The following EMSY variants were observed in gnomAD, a reference collection of about 807,000 sequenced individuals.
EMSY encodes EMSY transcriptional repressor, BRCA2 interacting.
A neutral mutation model predicts 134.6 loss-of-function variants in EMSY; 26 were observed. The observed-to-expected ratio is 0.19, with a 90% CI of 0.14 to 0.27. The LOEUF (loss-of-function observed/expected upper bound fraction) is 0.27. Among genes scored for constraint, EMSY ranks in the 10% least tolerant of loss-of-function variants. The pLI, the probability that EMSY is intolerant of heterozygous loss-of-function variation, is 1.00. For synonymous variants in EMSY, 579 were observed against 577.8 expected, an observed-to-expected ratio of 1.00 and a Z score of -0.03; for missense variants, 1,305 against 1,611.4, an observed-to-expected ratio of 0.81 and a Z score of 3.26.
chr11:76,505,784 G>T (rs534783253), intron 9 of EMSY, among the ~76,000 whole-genome samples: 5 of 152,070 alleles, frequency 3.3e-5, no homozygotes, highest in South Asian at 4.2e-4. Flanking sequence ...GTGAACCCGG[G>T]GGGTGGAGCT....
intron 1 of EMSY, among the ~76,000 whole-genome samples, chr11:76,446,495 A>G (rs1269087384): frequency 6.6e-6 from 1 of 152,152 alleles, no homozygotes; most frequent in African/African-American, 2.4e-5. Flanking sequence ...AGCTGACAGG[A>G]GTCAACTTGC....
exon 9 of EMSY, chr11:76,496,315 A>G (rs1565316736): frequency 6.2e-7 from 1 of 1,614,190 alleles, no homozygotes. Flanking sequence ...TCCCTAAACA[A>G]CATCAACAGT....
chr11:76,462,901 A>G (rs1948183031), intron 6 of EMSY, among the ~76,000 whole-genome samples: 1 of 152,230 alleles, frequency 6.6e-6, no homozygotes, highest in Admixed American at 6.5e-5. Flanking sequence ...AAATTTTGCA[A>G]CTAGTAGTAG....
chr11:76,481,689 C>T (rs1287934418), intron 8 of EMSY, among the ~76,000 whole-genome samples: 1 of 152,238 alleles, frequency 6.6e-6, no homozygotes, highest in Non-Finnish European at 1.5e-5. Flanking sequence ...GCCAGACTGC[C>T]TCTCTAGATT....
chr11:76,535,975 A>G, exon 15 of EMSY: 3 of 1,605,696 alleles, frequency 1.9e-6, no homozygotes, highest in Non-Finnish European at 2.6e-6. Context: ...GACTAGCCCT[A>G]CCATAATTTA....
intron 2 of EMSY, among the ~76,000 whole-genome samples, chr11:76,449,193 A>G (rs1375958006): frequency 3.9e-5 from 6 of 152,242 alleles, no homozygotes; most frequent in African/African-American, 7.2e-5. Context: ...AAATAATACC[A>G]GAAATTCAAC....
chr11:76,453,501 T>G, intron 4 of EMSY, 113 bp downstream of exon 4: 30 of 899,476 alleles, frequency 3.3e-5, no homozygotes, highest in Non-Finnish European at 4.9e-5. Flanking sequence ...ACAATATCTC[T>G]ATACTCAGGG....
chr11:76,511,120 T>C (rs1950261302), intron 9 of EMSY, among the ~76,000 whole-genome samples: 1 of 103,734 alleles, frequency 9.6e-6, no homozygotes, highest in Admixed American at 1.2e-4. Flanking sequence ...TTGGAATTAC[T>C]TTCTTTTTAA....
At chr11:76,472,882 A>G (rs1590828322) in intron 8 of EMSY, 42 bp downstream of exon 9, 4 of 1,594,292 alleles carry the variant, frequency 2.5e-6, no homozygotes, top group South Asian at 2.2e-5. Flanking sequence ...CAGTTGCTAT[A>G]TGGAATTTTG....
At chr11:76,481,548 A>G (rs1167742393) in intron 8 of EMSY, among the ~76,000 whole-genome samples, 1 of 152,218 alleles carries the variant, frequency 6.6e-6, no homozygotes, top group African/African-American at 2.4e-5. Context: ...GGGATGCTCA[A>G]GCTTGGTGGG....
At chr11:76,481,837 G>A (rs1215252321) in intron 8 of EMSY, among the ~76,000 whole-genome samples, 1 of 152,182 alleles carries the variant, frequency 6.6e-6, no homozygotes, top group African/African-American at 2.4e-5. Context: ...AGAGTTAAAC[G>A]TTCCTGCCTG....
intron 2 of EMSY, among the ~76,000 whole-genome samples, 195 bp downstream of exon 2, chr11:76,447,203 GTAA>G (rs1188835195): frequency 6.6e-6 from 1 of 152,182 alleles, no homozygotes; most frequent in Admixed American, 6.5e-5. Flanking sequence ...TGTGTGAATT[GTAA>G]TAATACTAGT....
At chr11:76,464,485 T>G (rs1948270956) in intron 7 of EMSY, among the ~76,000 whole-genome samples, 1 of 152,264 alleles carries the variant, frequency 6.6e-6, no homozygotes, top group African/African-American at 2.4e-5. Context: ...AAGGATATAA[T>G]TAAGTGAATA....
chr11:76,488,718 C>G (rs968907153), intron 8 of EMSY, among the ~76,000 whole-genome samples: 1 of 152,122 alleles, frequency 6.6e-6, no homozygotes, highest in African/African-American at 2.4e-5. Flanking sequence ...AAGGGAGGCT[C>G]AAGTTAGGCA....
chr11:76,472,426 T>G (rs1948610305), intron 7 of EMSY, 138 bp from the exon 9 acceptor site: 1 of 793,624 alleles, frequency 1.3e-6, no homozygotes, highest in Non-Finnish European at 1.9e-6. Flanking sequence ...TTTTAATATA[T>G]TTTTAGTTGT....
chr11:76,446,311 ATGTG>A (rs10546407), intron 1 of EMSY, among the ~76,000 whole-genome samples: 4 of 139,838 alleles, frequency 2.9e-5, no homozygotes, highest in Non-Finnish European at 6.1e-5. Flanking sequence ...GTATATATAT[ATGTG>A]TGTGTGTGTA....
chr11:76,463,697 A>G, intron 6 of EMSY, 124 bp from the exon 8 acceptor site: 2 of 1,063,640 alleles, frequency 1.9e-6, no homozygotes, highest in Non-Finnish European at 2.7e-6. Context: ...GAAGATTGAT[A>G]GAACTTATTG....
intron 13 of EMSY, among the ~76,000 whole-genome samples, chr11:76,527,199 C>T (rs992631619): frequency 3.3e-5 from 5 of 151,930 alleles, no homozygotes; most frequent in African/African-American, 4.8e-5. Flanking sequence ...CTGAGAATAT[C>T]GAGGGAAGCA....
chr11:76,517,240 A>G lies in EMSY; in HGVS notation c.1684+928A>G, dbSNP rs1950480250. Among the ~76,000 whole-genome samples the G allele has an allele frequency of 2.0e-5, 3 of 152,140 alleles. No homozygotes were observed. The South Asian group carries it at 6.2e-4, about 32-fold the overall frequency. On this transcript the variant is annotated intron_variant, in intron 11 of 20. Transcript: ENST00000334736. ...AAAAAAAAGCAAAGCAGAGCATGATATTGGCATAAAGTGTTATATTTAAAG... is the reference window on the plus strand; with the variant it reads ...AAAAAAAAGCAAAGCAGAGCATGATGTTGGCATAAAGTGTTATATTTAAAG...
Sources: allele counts gnomAD v4.1 joint callset (sites outside exome capture counted in the v4.1 genomes callset), GRCh38; gene constraint gnomAD v4.1.1; transcripts MANE v1.5; gene names NCBI Gene and HGNC (gene_info 2026-07-23, HGNC 2026-07-21).